Variants in PCCB observed in about 807,000 individuals in gnomAD.
PCCB encodes the protein propionyl-CoA carboxylase beta chain, mitochondrial.
Under a neutral mutation model 60.7 loss-of-function variants are expected in PCCB, and 43 were observed. The observed-to-expected ratio is 0.71, with a 90% CI of 0.55 to 0.91. The LOEUF (loss-of-function observed/expected upper bound fraction) is 0.91, where lower values mean the gene tolerates loss of function less well. Among genes scored for constraint, PCCB ranks in the 40% least tolerant of loss-of-function variants. The pLI is 0.00. For missense variants in PCCB, 766 were observed against 702.8 expected, an observed-to-expected ratio of 1.09 and a Z score of -1.02; for synonymous variants, 276 against 255.9, an observed-to-expected ratio of 1.08 and a Z score of -0.75.
rs201138170 is a variant in PCCB, at chr3:136,326,857, A to C, written c.1145A>C (p.Asp382Ala). Reference sequence around the variant, plus strand: ...GGGGCTCGTTTTGTCAGATTCTGTGATGCATTCAATATTCCACTCATCACT... The same window carrying C: ...GGGGCTCGTTTTGTCAGATTCTGTGCTGCATTCAATATTCCACTCATCACT... ...VKGARFVRFCDAFNIPLITFV... is the reference protein window; with the variant it reads ...VKGARFVRFCAAFNIPLITFV... The change falls in exon 11 of 15, where the codon GAT becomes GCT. Residue 382 changes from aspartate (D) to alanine (A), a missense_variant. Physicochemically the swap from Asp to Ala is moderately radical, Grantham distance 126 (BLOSUM62 -2). Coordinates refer to ENST00000251654, the MANE Select transcript of PCCB (RefSeq NM_000532.5). 6.2e-7 allele frequency: 1 copy of C among 1,613,414 alleles called. No individual in the cohort carries two copies. Among genetic ancestry groups the C allele is most frequent in the Non-Finnish European group, 8.5e-7 (1 of 1,179,480 alleles).
In PCCB at chr3:136,327,243, C is replaced by A. The variant is rs2108238489; in HGVS notation, c.1287C>A (p.Val429=). ...FAEATVPKVT[V]ITRKAYGGAY... is the part of the protein sequence containing the mutation. ...AGGCAACTGTACCCAAAGTCACAGT[C>A]ATCACCAGGAAGGTGAGGACCTCAT... Residue 429 remains valine, a synonymous_variant, in exon 12 of 15, where the codon GTC becomes GTA. Coordinates refer to ENST00000251654, the MANE Select transcript of PCCB (RefSeq NM_000532.5). The A allele has an allele frequency of 1.2e-6, 2 of 1,613,670 alleles. No individual in the cohort carries two copies. Among genetic ancestry groups the A allele is most frequent in the Non-Finnish European group, 1.7e-6 (2 of 1,179,544 alleles).
intron 2 of PCCB, 180 bp downstream of exon 2, chr3:136,256,155 C>G: frequency 2.2e-6 from 2 of 893,194 alleles, no homozygotes; most frequent in Non-Finnish European, 3.4e-6. Context: ...GTTGGTCAGG[C>G]TGGCCTTGAA....
At chr3:136,267,980 CTT>C (rs1277056917) in intron 5 of PCCB, among the ~76,000 whole-genome samples, 4 of 115,542 alleles carry the variant, frequency 3.5e-5, no homozygotes, top group South Asian at 5.7e-4. Flanking sequence ...GAGTTTCACT[CTT>C]GTCGCCCAGG....
intron 5 of PCCB, among the ~76,000 whole-genome samples, chr3:136,276,379 T>C (rs562498490): frequency 8.5e-5 from 13 of 152,262 alleles, no homozygotes; most frequent in African/African-American, 3.1e-4. Context: ...TGAGGTCTTA[T>C]CAAGGGGAAG....
At chr3:136,252,007 A>T (rs1013343725) in intron 1 of PCCB, among the ~76,000 whole-genome samples, 4 of 151,914 alleles carry the variant, frequency 2.6e-5, no homozygotes, top group Admixed American at 6.6e-5. Context: ...CCTCCCAAGT[A>T]GCTGGGATTA....
At chr3:136,298,692 G>A (rs1170816552) in intron 8 of PCCB, among the ~76,000 whole-genome samples, 1 of 152,196 alleles carries the variant, frequency 6.6e-6, no homozygotes, top group Non-Finnish European at 1.5e-5. Flanking sequence ...TCTACCACCT[G>A]TTGTGGAGGC....
intron 9 of PCCB, among the ~76,000 whole-genome samples, chr3:136,316,481 A>C (rs943800807): frequency 6.6e-6 from 1 of 151,674 alleles, no homozygotes; most frequent in Non-Finnish European, 1.5e-5. Context: ...CACCAGGCCA[A>C]TTTTTTGCAT....
chr3:136,282,632 C>A (rs1431280194), intron 5 of PCCB, among the ~76,000 whole-genome samples: 1 of 152,176 alleles, frequency 6.6e-6, no homozygotes, highest in Non-Finnish European at 1.5e-5. Flanking sequence ...ATACTCAAAA[C>A]AGTGTTAATT....
intron 1 of PCCB, among the ~76,000 whole-genome samples, chr3:136,254,490 G>T (rs1213458526): frequency 7.4e-6 from 1 of 135,642 alleles, no homozygotes; most frequent in Non-Finnish European, 1.5e-5. Context: ...AAAGTGCTGG[G>T]ATTACAGGTG....
rs1166174447 is a variant in PCCB at position 136,307,043 on chromosome 3, A to C, written c.966+5932A>C. Among the ~76,000 whole-genome samples the C allele has an allele frequency of 4.1e-5, 5 of 122,992 alleles. 1 individual carries two copies. Among genetic ancestry groups the C allele is most frequent in the Admixed American group, 2.9e-4 (3 of 10,310 alleles). 80.7% of individuals were successfully genotyped at this position (122,992 alleles called of 152,430 possible). A position where few individuals can be genotyped will look rare whatever the true frequency, so the allele number is the denominator to read the frequency against. ...AATAAAATGGCATCCAACTTCTCCA[A>C]AGCAACGTAGAAAAGCAAGGAAACA... On this transcript the variant is annotated intron_variant, in intron 9 of 14. Transcript: ENST00000251654.
intron 9 of PCCB, among the ~76,000 whole-genome samples, chr3:136,302,027 C>T (rs1422922599): frequency 1.3e-5 from 2 of 152,096 alleles, no homozygotes; most frequent in African/African-American, 4.8e-5. Context: ...CAGTTCAGCC[C>T]AAAGCAGGAG....
At chr3:136,265,304 T>G (rs944401637) in intron 5 of PCCB, among the ~76,000 whole-genome samples, 4 of 152,232 alleles carry the variant, frequency 2.6e-5, no homozygotes, top group Admixed American at 6.5e-5. Context: ...ACAGCCATAA[T>G]CTAGTTTTCA....
At chr3:136,310,801 A>G (rs1006133079) in intron 9 of PCCB, among the ~76,000 whole-genome samples, 5 of 152,206 alleles carry the variant, frequency 3.3e-5, no homozygotes, top group African/African-American at 7.2e-5. Flanking sequence ...AGGAAACTCA[A>G]TAATATACTG....
chr3:136,259,135 G>T, intron 3 of PCCB: 1 of 1,454,094 alleles, frequency 6.9e-7, no homozygotes, highest in Non-Finnish European at 9.0e-7. Flanking sequence ...GAAGCAGTGA[G>T]AGCTCTGATT....
chr3:136,307,757 C>T (rs1311674779), intron 9 of PCCB, among the ~76,000 whole-genome samples: 1 of 152,040 alleles, frequency 6.6e-6, no homozygotes, highest in Non-Finnish European at 1.5e-5. Flanking sequence ...GAGCAGATCA[C>T]CTGAGGTTGG....
rs1293890828 is a variant in PCCB at position 136,309,556 on chromosome 3, TTGGGAGGCTGAGG to T, written c.967-7377_967-7365del. 6.6e-5 allele frequency among the ~76,000 whole-genome samples: 10 copies of T among 152,116 alleles called. 3 individuals are homozygous for T. The highest frequency in any genetic ancestry group is 6.5e-4 in the Admixed American group (10 of 15,276). ...GGCTCATGCCTATAATCCCAGCACT[TTGGGAGGCTGAGG>T]TGGGAGGATCGCTTGAAGCCAGGAG... On this transcript the variant is annotated intron_variant, in intron 9 of 14. Transcript: ENST00000251654.
intron 10 of PCCB, among the ~76,000 whole-genome samples, chr3:136,326,043 A>G (rs1180516711): frequency 1.3e-5 from 2 of 150,820 alleles, no homozygotes; most frequent in Non-Finnish European, 3.0e-5. Context: ...CGATCTCTTG[A>G]CCTCGTGATC....
At chr3:136,325,424 T>C (rs1192840871) in intron 10 of PCCB, among the ~76,000 whole-genome samples, 1 of 152,110 alleles carries the variant, frequency 6.6e-6, no homozygotes, top group Non-Finnish European at 1.5e-5. Flanking sequence ...GGTGCAATCT[T>C]GGCTCACTGC....
At chr3:136,323,363 C>G (rs1053076386) in intron 10 of PCCB, among the ~76,000 whole-genome samples, 1 of 152,156 alleles carries the variant, frequency 6.6e-6, no homozygotes, top group Admixed American at 6.5e-5. Flanking sequence ...CTCAAATCTC[C>G]TATTGAATCC....
Sources: allele counts gnomAD v4.1 joint callset (sites outside exome capture counted in the v4.1 genomes callset), GRCh38; gene constraint gnomAD v4.1.1; transcripts MANE v1.5; gene names NCBI Gene and HGNC (gene_info 2026-07-23, HGNC 2026-07-21).